Variants in ASTN2 observed in about 807,000 individuals in gnomAD.
ASTN2 encodes the protein astrotactin-2.
ASTN2 carries 54 observed loss-of-function variants against 139.8 expected under a neutral mutation model. The ratio of observed to expected loss-of-function variants is 0.39; its 90% CI spans 0.31 to 0.48. The LOEUF (loss-of-function observed/expected upper bound fraction) is 0.48, where lower values mean the gene tolerates loss of function less well. ASTN2 is among the 20% of genes least tolerant of loss of function. The pLI is 0.95. For missense variants in ASTN2, 1,565 were observed against 1,725.1 expected (o/e 0.91, Z 1.64); for synonymous variants, 756 against 719.5 (o/e 1.05, Z -0.81).
intron 16 of ASTN2, among the ~76,000 whole-genome samples, chr9:116,718,920 A>G (rs1828390002): frequency 6.7e-6 from 1 of 148,792 alleles, no homozygotes; most frequent in African/African-American, 2.5e-5. Flanking sequence ...ACAATTTATT[A>G]TAATAAATCT....
chr9:117,212,150 G>A (rs915638577), intron 3 of ASTN2, among the ~76,000 whole-genome samples: 13 of 152,218 alleles, frequency 8.5e-5, no homozygotes, highest in Middle Eastern at 3.4e-3. Context: ...TGCCAAGAAC[G>A]CTTAGTAGGG....
chr9:116,672,666 T>C (rs1402205452), intron 16 of ASTN2, among the ~76,000 whole-genome samples: 1 of 152,180 alleles, frequency 6.6e-6, no homozygotes, highest in East Asian at 1.9e-4. Context: ...ACTACTATTA[T>C]CCCCCATTTT....
At chr9:116,808,739 A>C (rs1831092850) in intron 12 of ASTN2, among the ~76,000 whole-genome samples, 1 of 152,224 alleles carries the variant, frequency 6.6e-6, no homozygotes, top group Non-Finnish European at 1.5e-5. Flanking sequence ...TGATAGATCT[A>C]CTAAATAGTT....
intron 16 of ASTN2, among the ~76,000 whole-genome samples, chr9:116,670,142 C>CCACCCATCA (rs1859106666): frequency 6.6e-6 from 1 of 152,166 alleles, no homozygotes; most frequent in South Asian, 2.1e-4. Context: ...CAATCAAAAA[C>CCACCCATCA]ATCTATTTGG....
chr9:117,047,102 G>C (rs903796092), intron 5 of ASTN2, among the ~76,000 whole-genome samples: 1 of 152,164 alleles, frequency 6.6e-6, no homozygotes, highest in Non-Finnish European at 1.5e-5. Flanking sequence ...CTGAGCTCTG[G>C]TGTCTCTGCT....
chr9:116,856,578 C>G (rs939418429), intron 11 of ASTN2, among the ~76,000 whole-genome samples: 4 of 152,198 alleles, frequency 2.6e-5, no homozygotes, highest in Non-Finnish European at 5.9e-5. Context: ...GAACCAGATT[C>G]CAGCTTTTGC....
At chr9:116,660,166 G>GTGCA (rs1858470381) in intron 16 of ASTN2, among the ~76,000 whole-genome samples, 1 of 86,370 alleles carries the variant, frequency 1.2e-5, no homozygotes, top group Admixed American at 1.3e-4. Context: ...CATATTGCAA[G>GTGCA]CGCACACACA....
chr9:116,666,537 C>T lies in ASTN2; in HGVS notation c.2807-14744G>A, dbSNP rs115089567. Among the ~76,000 whole-genome samples the T allele has an allele frequency of 5.9e-3, 893 of 152,030 alleles. 11 individuals carry two copies. Among genetic ancestry groups the T allele is most frequent in the African/African-American group, 0.02 (834 of 41,480 alleles). Reference sequence around the variant, plus strand: ...AAACTTAGAATTATGATAGACTGTCCGCTAGATCTTGTCATTAATAAAGAT... The same window carrying T: ...AAACTTAGAATTATGATAGACTGTCTGCTAGATCTTGTCATTAATAAAGAT... On this transcript the variant is annotated intron_variant, in intron 16 of 22. Coordinates refer to ENST00000313400, the MANE Select transcript of ASTN2 (RefSeq NM_001365068.1).
chr9:117,407,966 T>G (rs1226678665), intron 1 of ASTN2, among the ~76,000 whole-genome samples: 1 of 152,124 alleles, frequency 6.6e-6, no homozygotes, highest in Non-Finnish European at 1.5e-5. Context: ...TTTCCTTTCC[T>G]GAAAAGAGCA....
At chr9:116,690,653 A>T (rs1241431068) in intron 16 of ASTN2, among the ~76,000 whole-genome samples, 1 of 152,200 alleles carries the variant, frequency 6.6e-6, no homozygotes, top group East Asian at 1.9e-4. Flanking sequence ...ACTATGAAAC[A>T]TCCTTTAAGT....
intron 17 of ASTN2, among the ~76,000 whole-genome samples, chr9:116,642,502 G>C (rs936567297): frequency 6.6e-6 from 1 of 152,006 alleles, no homozygotes; most frequent in Non-Finnish European, 1.5e-5. Context: ...TTCAAATGAT[G>C]TAAATGGAAT....
intron 1 of ASTN2, among the ~76,000 whole-genome samples, chr9:117,405,938 A>G (rs1304390446): frequency 1.3e-5 from 2 of 152,356 alleles, no homozygotes; most frequent in Admixed American, 6.5e-5. Flanking sequence ...AGGTAGCAGC[A>G]ATGGCTATGG....
At chr9:117,170,426 C>T (rs1830765412) in intron 3 of ASTN2, among the ~76,000 whole-genome samples, 2 of 152,062 alleles carry the variant, frequency 1.3e-5, no homozygotes, top group Admixed American at 1.3e-4. Flanking sequence ...CTGATGAAGG[C>T]ACTAGGGATT....
At chr9:116,611,420 T>C (rs1264905073) in intron 19 of ASTN2, 2 of 151,908 alleles carry the variant, frequency 1.3e-5, no homozygotes, top group Non-Finnish European at 2.9e-5. Context: ...AATTAGAGGA[T>C]AAATCAATGA....
intron 1 of ASTN2, among the ~76,000 whole-genome samples, chr9:117,331,338 G>A (rs1828700812): frequency 6.6e-6 from 1 of 152,132 alleles, no homozygotes; most frequent in African/African-American, 2.4e-5. Flanking sequence ...TGCCCAGTGA[G>A]TCACCCAGAA....
intron 19 of ASTN2, among the ~76,000 whole-genome samples, chr9:116,617,937 C>T (rs1470172907): frequency 6.6e-6 from 1 of 152,182 alleles, no homozygotes; most frequent in African/African-American, 2.4e-5. Context: ...CCAAGTGTAT[C>T]TCACTAGAAA....
chr9:116,922,808 A>AT (rs1448054462), intron 10 of ASTN2, among the ~76,000 whole-genome samples: 1 of 152,228 alleles, frequency 6.6e-6, no homozygotes, highest in African/African-American at 2.4e-5. Flanking sequence ...GGGGATAAGC[A>AT]TATCAAACTG....
intron 13 of ASTN2, among the ~76,000 whole-genome samples, chr9:116,785,987 T>C (rs762097545): frequency 5.3e-5 from 8 of 152,194 alleles, no homozygotes; most frequent in Non-Finnish European, 1.0e-4. Flanking sequence ...CTATACAAAA[T>C]GGCCCATACT....
chr9:116,999,762 G>A (rs1837141571), intron 7 of ASTN2, among the ~76,000 whole-genome samples: 1 of 151,864 alleles, frequency 6.6e-6, no homozygotes, highest in Non-Finnish European at 1.5e-5. Context: ...GTTTCACAGT[G>A]TGGGCCAGGC....
Sources: gnomAD v4.1 joint callset for allele counts (sites outside exome capture counted in the v4.1 genomes callset) on GRCh38, gnomAD v4.1.1 for gene constraint, MANE v1.5 for transcripts, NCBI Gene and HGNC (gene_info 2026-07-23, HGNC 2026-07-21) for gene names.